HHLA2: variants seen among roughly 807,000 people sequenced by gnomAD.
HHLA2 encodes the protein HHLA2 member of B7 family, also known as HERV-H LTR-associating protein 2.
A neutral mutation model predicts 45.9 loss-of-function variants in HHLA2; 48 were observed. The observed-to-expected ratio is 1.05, with a 90% CI of 0.83 to 1.33. The LOEUF is 1.33. HHLA2 is among the 40% of genes most tolerant of loss of function. The pLI is 0.00. For synonymous variants in HHLA2, 161 were observed against 173.9 expected (o/e 0.93, Z 0.59); for missense variants, 462 against 494.3 (o/e 0.93, Z 0.62).
At chr3:108,362,581 C>A in intron 8 of HHLA2, 135 bp downstream of exon 7, 1 of 651,078 alleles carries the variant, frequency 1.5e-6, no homozygotes, top group Non-Finnish European at 2.6e-6. Context: ...ACAAAATTCA[C>A]CCAAAATCTT....
chr3:108,352,865 T>C (rs2081805589), intron 4 of HHLA2, among the ~76,000 whole-genome samples: 1 of 152,216 alleles, frequency 6.6e-6, no homozygotes, highest in Admixed American at 6.5e-5. Context: ...AATGACTCTC[T>C]TTCCCTTTTG....
intron 3 of HHLA2, among the ~76,000 whole-genome samples, chr3:108,331,679 A>G (rs2081388207): frequency 6.6e-6 from 1 of 152,174 alleles, no homozygotes; most frequent in South Asian, 2.1e-4. Context: ...ATATTTTAAT[A>G]AGAACCCAGT....
intron 3 of HHLA2, among the ~76,000 whole-genome samples, chr3:108,349,722 G>C (rs1352199909): frequency 6.6e-6 from 1 of 152,208 alleles, no homozygotes; most frequent in Non-Finnish European, 1.5e-5. Context: ...AGAGCAGAAG[G>C]AGAGACAAAA....
At chr3:108,308,916 G>A (rs1163311073) in intron 1 of HHLA2, among the ~76,000 whole-genome samples, 1 of 152,148 alleles carries the variant, frequency 6.6e-6, no homozygotes. Flanking sequence ...TGAATCCCTT[G>A]TCAGAGGGGT....
At chr3:108,343,381 T>C (rs948893793) in intron 3 of HHLA2, among the ~76,000 whole-genome samples, 1 of 152,196 alleles carries the variant, frequency 6.6e-6, no homozygotes, top group African/African-American at 2.4e-5. Context: ...CTGAACTGCA[T>C]ACATAGAACT....
intron 7 of HHLA2, 149 bp downstream of exon 6, chr3:108,358,310 A>G: frequency 1.7e-6 from 1 of 592,580 alleles, no homozygotes. Flanking sequence ...CAGGATGTCG[A>G]TTACCCTCCC....
chr3:108,358,939 AAGAGCAC>A (rs2081944184), intron 7 of HHLA2, among the ~76,000 whole-genome samples: 1 of 152,224 alleles, frequency 6.6e-6, no homozygotes, highest in African/African-American at 2.4e-5. Flanking sequence ...ATTTGGAGAC[AAGAGCAC>A]AGAGTTGTCC....
At chr3:108,326,186 GCT>G (rs1203003881) in intron 2 of HHLA2, 4 of 236,518 alleles carry the variant, frequency 1.7e-5, no homozygotes, top group South Asian at 7.1e-5. Context: ...ATTTGAGACA[GCT>G]CTGTTTGGTT....
At chr3:108,300,364 C>T (rs2080829969) in intron 1 of HHLA2, among the ~76,000 whole-genome samples, 1 of 152,090 alleles carries the variant, frequency 6.6e-6, no homozygotes, top group African/African-American at 2.4e-5. Context: ...AGGATTTCAC[C>T]ACAAGGAGTT....
chr3:108,340,135 T>TTAG (rs2081539376), intron 3 of HHLA2, among the ~76,000 whole-genome samples: 1 of 151,992 alleles, frequency 6.6e-6, no homozygotes, highest in Admixed American at 6.6e-5. Context: ...GAAGGAGGGC[T>TTAG]AAGGTTTAGG....
At chr3:108,330,561 G>T (rs2107378180) in intron 3 of HHLA2, among the ~76,000 whole-genome samples, 1 of 152,290 alleles carries the variant, frequency 6.6e-6, no homozygotes, top group South Asian at 2.1e-4. Flanking sequence ...CTTTAGCAGA[G>T]ACTCAAAGAC....
chr3:108,305,556 T>C (rs2080915836), intron 1 of HHLA2, among the ~76,000 whole-genome samples: 1 of 152,162 alleles, frequency 6.6e-6, no homozygotes, highest in South Asian at 2.1e-4. Flanking sequence ...GTCCCTTTAA[T>C]AGCAGCTCAG....
At chr3:108,357,867 G>A (rs1395117205) in exon 7 of HHLA2, 1 of 1,609,582 alleles carries the variant, frequency 6.2e-7, no homozygotes, top group Admixed American at 1.7e-5. Context: ...AATGCAAAGT[G>A]AACACGTTTC....
chr3:108,333,437 A>G (rs2081419561), intron 3 of HHLA2, among the ~76,000 whole-genome samples: 1 of 152,130 alleles, frequency 6.6e-6, no homozygotes, highest in Non-Finnish European at 1.5e-5. Flanking sequence ...TCCCAGTTAA[A>G]TTTGAATTTC....
chr3:108,367,904 G>A (rs1201595262), intron 8 of HHLA2, among the ~76,000 whole-genome samples: 2 of 152,076 alleles, frequency 1.3e-5, no homozygotes, highest in East Asian at 1.9e-4. Context: ...ACACATAATT[G>A]TCAGATTCTC....
chr3:108,304,067 T>A (rs565082880), intron 1 of HHLA2, among the ~76,000 whole-genome samples: 30 of 152,312 alleles, frequency 2.0e-4, no homozygotes, highest in African/African-American at 6.7e-4. Context: ...GTGTGTAGTG[T>A]TCTAAAGGGG....
At chr3:108,323,146 TG>T (rs202077186) in intron 2 of HHLA2, among the ~76,000 whole-genome samples, 1,820 of 127,816 alleles carry the variant, frequency 0.014, 49 homozygotes, top group African/African-American at 0.049. Context: ...GGTCTGTGGT[TG>T]GGGGGCAGTG....
chr3:108,366,391 T>C (rs2082063502), intron 8 of HHLA2, among the ~76,000 whole-genome samples: 1 of 152,244 alleles, frequency 6.6e-6, no homozygotes, highest in African/African-American at 2.4e-5. Flanking sequence ...AGTATTTTAT[T>C]GAGGATTTTC....
At chr3:108,324,162 A>C (rs1377700343) in intron 2 of HHLA2, among the ~76,000 whole-genome samples, 2 of 152,222 alleles carry the variant, frequency 1.3e-5, no homozygotes, top group African/African-American at 4.8e-5. Flanking sequence ...AAAAGCATAC[A>C]GATAAAAATT....
Sources: gnomAD v4.1 joint callset for allele counts (sites outside exome capture counted in the v4.1 genomes callset) on GRCh38, gnomAD v4.1.1 for gene constraint, MANE v1.5 for transcripts, NCBI Gene and HGNC (gene_info 2026-07-23, HGNC 2026-07-21) for gene names.